Variants in SYNDIG1 observed in about 807,000 individuals in gnomAD.
The protein encoded by SYNDIG1 is synapse differentiation inducing 1, also known as synapse differentiation-inducing gene protein 1.
A neutral mutation model predicts 19.4 loss-of-function variants in SYNDIG1; 9 were observed. That is an observed-to-expected ratio of 0.46 (90% confidence interval 0.28 to 0.81). The LOEUF (loss-of-function observed/expected upper bound fraction) is 0.81, where lower values mean the gene tolerates loss of function less well. Ranked by LOEUF, SYNDIG1 falls within the 30% of genes least tolerant of loss-of-function variation. The pLI is 0.12. For missense variants in SYNDIG1, 311 were observed against 343.3 expected (o/e 0.91, Z 0.74); for synonymous variants, 141 against 145.9 (o/e 0.97, Z 0.24).
At chr20:24,611,079 C>T (rs968809446) in intron 3 of SYNDIG1, among the ~76,000 whole-genome samples, 2 of 152,116 alleles carry the variant, frequency 1.3e-5, no homozygotes, top group African/African-American at 2.4e-5. Flanking sequence ...TCTGAGTGTT[C>T]GCCTTATTTC....
At chr20:24,548,201 T>C (rs1237584743) in intron 2 of SYNDIG1, among the ~76,000 whole-genome samples, 3 of 152,224 alleles carry the variant, frequency 2.0e-5, no homozygotes, top group Non-Finnish European at 2.9e-5. Context: ...CTGTCAGCCC[T>C]TGGATCTGAG....
rs377081805 is a variant in SYNDIG1, at chr20:24,662,683, C to T, written c.619-2663C>T. On this transcript the variant is annotated intron_variant, in intron 3 of 3. Coordinates refer to ENST00000376862, the MANE Select transcript of SYNDIG1 (RefSeq NM_024893.3). ...CCACCGCTGGCACAAGGTGCAGGCA[C>T]TGGGCACTGCTTGGGGCTTCGCCAG... 1.4e-3 allele frequency among the ~76,000 whole-genome samples: 217 copies of T among 152,384 alleles called. 2 individuals carry two copies. Among genetic ancestry groups the T allele is most frequent in the African/African-American group, 5.1e-3 (214 of 41,594 alleles).
intron 1 of SYNDIG1, among the ~76,000 whole-genome samples, chr20:24,533,076 G>A (rs988178447): frequency 1.7e-4 from 26 of 152,012 alleles, no homozygotes; most frequent in African/African-American, 3.6e-4. Flanking sequence ...AGATTACTCC[G>A]CCTTCTGAGA....
chr20:24,497,088 G>T (rs558910144), intron 1 of SYNDIG1, among the ~76,000 whole-genome samples: 2 of 152,274 alleles, frequency 1.3e-5, no homozygotes, highest in East Asian at 1.9e-4. Flanking sequence ...TTATTCTTCT[G>T]TTCTTACATA....
At chr20:24,538,763 G>A (rs1329459073) in intron 1 of SYNDIG1, among the ~76,000 whole-genome samples, 1 of 115,000 alleles carries the variant, frequency 8.7e-6, no homozygotes, top group Non-Finnish European at 1.8e-5. Context: ...ACCAACACTT[G>A]TTATTTTCCG....
intron 1 of SYNDIG1, 55 bp downstream of exon 1, chr20:24,469,808 G>A (rs959311304): frequency 6.6e-6 from 1 of 151,740 alleles, no homozygotes; most frequent in Non-Finnish European, 1.5e-5. Context: ...CAGTGGGCGG[G>A]GTCGCGGCAG....
At chr20:24,517,478 G>T (rs1056296521) in intron 1 of SYNDIG1, among the ~76,000 whole-genome samples, 14 of 149,464 alleles carry the variant, frequency 9.4e-5, no homozygotes, top group Admixed American at 2.7e-4. Context: ...AATTAGCTGG[G>T]CATGTTTGCA....
intron 2 of SYNDIG1, among the ~76,000 whole-genome samples, chr20:24,557,805 C>T (rs905639317): frequency 4.6e-5 from 7 of 152,120 alleles, no homozygotes; most frequent in African/African-American, 9.7e-5. Context: ...GATCTCCAGC[C>T]GCATGCTGGG....
intron 3 of SYNDIG1, among the ~76,000 whole-genome samples, chr20:24,660,126 C>A (rs996565967): frequency 6.6e-6 from 1 of 152,180 alleles, no homozygotes; most frequent in African/African-American, 2.4e-5. Context: ...GCTTGCCCTT[C>A]TATCGCTGGC....
intron 1 of SYNDIG1, among the ~76,000 whole-genome samples, chr20:24,504,798 G>C (rs748572874): frequency 6.6e-6 from 1 of 152,196 alleles, no homozygotes; most frequent in East Asian, 1.9e-4. Flanking sequence ...AAAAGCCTTT[G>C]GTCTGTGCCC....
chr20:24,522,931 A>G (rs990353240), intron 1 of SYNDIG1, among the ~76,000 whole-genome samples: 6 of 152,282 alleles, frequency 3.9e-5, no homozygotes, highest in Non-Finnish European at 7.4e-5. Flanking sequence ...TCCTTGCCAC[A>G]AGGATGGCAC....
intron 2 of SYNDIG1, among the ~76,000 whole-genome samples, chr20:24,549,650 G>A (rs1022358833): frequency 3.3e-5 from 5 of 152,194 alleles, no homozygotes; most frequent in East Asian, 1.9e-4. Flanking sequence ...GTCCACAGAC[G>A]GCTTGAATAC....
At position 24,557,891 on chromosome 20, in the gene SYNDIG1, T is replaced by C. The variant is rs12106022; in HGVS notation, c.480+14314T>C. Among the ~76,000 whole-genome samples the C allele has an allele frequency of 7.1e-3, 1,079 of 152,306 alleles. 15 individuals carry two copies. The highest frequency in any genetic ancestry group is 0.024 in the African/African-American group (1,002 of 41,560). ...CTTCTGCGTCGCTCATGCTAGGAGC[T>C]GTAGACCGGAGCTGTTCCTATTCGG... On this transcript the variant is annotated intron_variant, in intron 2 of 3. Transcript: ENST00000376862.
chr20:24,524,166 C>T (rs1297905109), intron 1 of SYNDIG1, among the ~76,000 whole-genome samples: 2 of 152,056 alleles, frequency 1.3e-5, no homozygotes, highest in East Asian at 1.9e-4. Context: ...CTCGCAACTT[C>T]GAAGGCGCTG....
intron 3 of SYNDIG1, among the ~76,000 whole-genome samples, chr20:24,608,889 G>A (rs187372742): frequency 3.2e-4 from 48 of 152,276 alleles, no homozygotes; most frequent in Admixed American, 2.7e-3. Context: ...CAGAAAAACA[G>A]CATACAGTAC....
At chr20:24,663,872 G>A (rs1288618841) in intron 3 of SYNDIG1, among the ~76,000 whole-genome samples, 2 of 152,302 alleles carry the variant, frequency 1.3e-5, no homozygotes, top group Admixed American at 6.5e-5. Context: ...TTAGCGCTAA[G>A]GAAAGGCAAT....
chr20:24,654,699 A>AGGAG (rs1340642145), intron 3 of SYNDIG1, among the ~76,000 whole-genome samples: 31 of 149,642 alleles, frequency 2.1e-4, no homozygotes, highest in African/African-American at 6.6e-4. Context: ...GAAGGAAGGA[A>AGGAG]GAGTTAGAGA....
At chr20:24,625,802 T>C (rs1236617714) in intron 3 of SYNDIG1, among the ~76,000 whole-genome samples, 2 of 152,394 alleles carry the variant, frequency 1.3e-5, no homozygotes, top group East Asian at 1.9e-4. Context: ...TTTCTCAATC[T>C]TTTCCCCACC....
At chr20:24,587,887 C>T (rs1019245033) in intron 3 of SYNDIG1, among the ~76,000 whole-genome samples, 3 of 152,188 alleles carry the variant, frequency 2.0e-5, no homozygotes, top group African/African-American at 7.2e-5. Context: ...ACAGTGTACT[C>T]ACTGACAGTC....
Sources: allele counts gnomAD v4.1 joint callset (sites outside exome capture counted in the v4.1 genomes callset), GRCh38; gene constraint gnomAD v4.1.1; transcripts MANE v1.5; gene names NCBI Gene and HGNC (gene_info 2026-07-23, HGNC 2026-07-21).